The following GBE1 variants were observed in gnomAD, a reference collection of about 807,000 sequenced individuals.
GBE1 encodes 1,4-alpha-glucan branching enzyme 1, also known as 1,4-alpha-glucan-branching enzyme.
Under a neutral mutation model 88.8 loss-of-function variants are expected in GBE1, and 70 were observed. The observed-to-expected ratio is 0.79, with a 90% CI of 0.65 to 0.96. GBE1 has a LOEUF of 0.96. Among genes scored for constraint, GBE1 ranks in the 40% least tolerant of loss-of-function variants. GBE1 has a pLI of 0.00. For missense variants in GBE1, 872 were observed against 871.0 expected, an observed-to-expected ratio of 1.00 and a Z score of -0.01; for synonymous variants, 284 against 300.1, an observed-to-expected ratio of 0.95 and a Z score of 0.56.
At chr3:81,561,847 T>C (rs1349994293) in intron 12 of GBE1, among the ~76,000 whole-genome samples, 1 of 152,064 alleles carries the variant, frequency 6.6e-6, no homozygotes, top group Non-Finnish European at 1.5e-5. Flanking sequence ...CTTCTTAGCT[T>C]TGTGTAGCCA....
intron 2 of GBE1, among the ~76,000 whole-genome samples, chr3:81,684,244 T>C (rs888463940): frequency 2.0e-5 from 3 of 152,202 alleles, no homozygotes; most frequent in Non-Finnish European, 2.9e-5. Flanking sequence ...TTACCCTCTA[T>C]GACACGTATA....
intron 7 of GBE1, among the ~76,000 whole-genome samples, chr3:81,604,715 A>G (rs905335836): frequency 6.6e-6 from 1 of 152,160 alleles, no homozygotes; most frequent in African/African-American, 2.4e-5. Flanking sequence ...ATAAAGGCAC[A>G]TAAGCAATGA....
At chr3:81,699,274 G>T (rs578184798) in intron 2 of GBE1, among the ~76,000 whole-genome samples, 43 of 152,032 alleles carry the variant, frequency 2.8e-4, no homozygotes, top group African/African-American at 1.0e-3. Flanking sequence ...GAGTTCAGAA[G>T]TCAAGAAATC....
At chr3:81,677,381 T>C (rs933189998) in intron 2 of GBE1, among the ~76,000 whole-genome samples, 4 of 152,216 alleles carry the variant, frequency 2.6e-5, no homozygotes, top group Non-Finnish European at 4.4e-5. Context: ...TCTGAAAGGA[T>C]ATCCTCGGGT....
intron 7 of GBE1, among the ~76,000 whole-genome samples, chr3:81,634,487 AC>A (rs759719952): frequency 2.6e-5 from 4 of 152,172 alleles, no homozygotes; most frequent in Non-Finnish European, 5.9e-5. Flanking sequence ...TTGGGGGGAA[AC>A]ATCTTGTGTG....
At chr3:81,613,348 G>A (rs1265867163) in intron 7 of GBE1, among the ~76,000 whole-genome samples, 1 of 151,744 alleles carries the variant, frequency 6.6e-6, no homozygotes, top group African/African-American at 2.4e-5. Flanking sequence ...CAAGCTCTGT[G>A]GGAAAAAAGA....
intron 15 of GBE1, among the ~76,000 whole-genome samples, chr3:81,490,960 C>A (rs1319369924): frequency 6.6e-6 from 1 of 152,016 alleles, no homozygotes; most frequent in Non-Finnish European, 1.5e-5. Flanking sequence ...TGCCACTGCA[C>A]TTAAACTAGG....
At chr3:81,584,103 C>A (rs1703766553) in intron 10 of GBE1, among the ~76,000 whole-genome samples, 1 of 151,932 alleles carries the variant, frequency 6.6e-6, no homozygotes, top group African/African-American at 2.4e-5. Context: ...AACATAAACA[C>A]TTCAAAAATG....
chr3:81,643,630 C>A (rs1473253456), intron 6 of GBE1, among the ~76,000 whole-genome samples: 2 of 152,148 alleles, frequency 1.3e-5, no homozygotes, highest in Non-Finnish European at 2.9e-5. Flanking sequence ...ACATTATAGT[C>A]ATCCACAGCA....
intron 14 of GBE1, among the ~76,000 whole-genome samples, chr3:81,521,134 G>A (rs1233974311): frequency 6.6e-6 from 1 of 151,484 alleles, no homozygotes; most frequent in Non-Finnish European, 1.5e-5. Flanking sequence ...AGTGAAAATT[G>A]ATGTCTTGCT....
At chr3:81,552,152 G>T in intron 12 of GBE1, among the ~76,000 whole-genome samples, 1 of 152,182 alleles carries the variant, frequency 6.6e-6, no homozygotes, top group East Asian at 1.9e-4. Flanking sequence ...TGCTTGGGGT[G>T]GTTAAGTTCT....
At chr3:81,740,931 A>G (rs1220992387) in intron 1 of GBE1, among the ~76,000 whole-genome samples, 2 of 152,276 alleles carry the variant, frequency 1.3e-5, no homozygotes, top group South Asian at 4.1e-4. Flanking sequence ...TCTCTCTCAT[A>G]CACACCCGTA....
intron 14 of GBE1, among the ~76,000 whole-genome samples, chr3:81,514,326 C>T (rs1208613392): frequency 8.6e-5 from 13 of 151,468 alleles, no homozygotes; most frequent in African/African-American, 1.2e-4. Context: ...GACAATAAAA[C>T]GTACTGAGTG....
At chr3:81,655,249 T>C (rs1418309091) in intron 3 of GBE1, among the ~76,000 whole-genome samples, 3 of 152,138 alleles carry the variant, frequency 2.0e-5, no homozygotes, top group Non-Finnish European at 4.4e-5. Flanking sequence ...TTTCACCATG[T>C]TGGCCAGGCT....
intron 14 of GBE1, among the ~76,000 whole-genome samples, chr3:81,506,081 G>A (rs574283496): frequency 6.6e-6 from 1 of 152,206 alleles, no homozygotes; most frequent in East Asian, 1.9e-4. Context: ...AAACTAGGGA[G>A]ATTTTGCACA....
At chr3:81,563,480 C>G (rs962031032) in intron 12 of GBE1, among the ~76,000 whole-genome samples, 9 of 152,058 alleles carry the variant, frequency 5.9e-5, no homozygotes, top group African/African-American at 2.2e-4. Context: ...TCTTTGGGAT[C>G]AAATCGAGGG....
At chr3:81,641,079 A>G (rs1269576578) in intron 7 of GBE1, among the ~76,000 whole-genome samples, 1 of 152,122 alleles carries the variant, frequency 6.6e-6, no homozygotes, top group Non-Finnish European at 1.5e-5. Context: ...ACTACAATAA[A>G]CATGTGAATA....
chr3:81,649,963 G>A (rs1300923368), intron 3 of GBE1, 42 bp from the exon 4 acceptor site: 6 of 1,516,702 alleles, frequency 4.0e-6, no homozygotes, highest in Non-Finnish European at 5.5e-6. Flanking sequence ...AATACATCCA[G>A]AACTCTGATA....
chr3:81,593,053 A>T (rs1169920745), intron 8 of GBE1, among the ~76,000 whole-genome samples: 1 of 151,864 alleles, frequency 6.6e-6, no homozygotes, highest in Non-Finnish European at 1.5e-5. Flanking sequence ...GCTAGTGAAC[A>T]TTTGGCCATT....
Sources: allele counts gnomAD v4.1 joint callset (sites outside exome capture counted in the v4.1 genomes callset), GRCh38; gene constraint gnomAD v4.1.1; transcripts MANE v1.5; gene names NCBI Gene and HGNC (gene_info 2026-07-23, HGNC 2026-07-21).